Variants in ZMAT3 observed in about 807,000 individuals in gnomAD.
ZMAT3 encodes zinc finger matrin-type 3.
In ZMAT3, 17 loss-of-function variants were observed where a neutral mutation model predicts 32.3. That is an observed-to-expected ratio of 0.53 (90% CI 0.36 to 0.79). The LOEUF is 0.79. Among genes scored for constraint, ZMAT3 ranks in the 30% least tolerant of loss-of-function variants. The pLI, the probability that ZMAT3 is intolerant of heterozygous loss-of-function variation, is 0.00. For missense variants in ZMAT3, 329 were observed against 359.7 expected (o/e 0.91, Z 0.69); for synonymous variants, 120 against 133.1 (o/e 0.90, Z 0.68).
chr3:179,034,372 A>G (rs1719467835), intron 2 of ZMAT3, among the ~76,000 whole-genome samples: 1 of 152,248 alleles, frequency 6.6e-6, no homozygotes, highest in Non-Finnish European at 1.5e-5. Flanking sequence ...AACTCAAAGT[A>G]GCATGACACA....
At chr3:179,038,420 A>C (rs928610934) in intron 2 of ZMAT3, among the ~76,000 whole-genome samples, 1 of 152,146 alleles carries the variant, frequency 6.6e-6, no homozygotes, top group Non-Finnish European at 1.5e-5. Flanking sequence ...ATCTCTAAAA[A>C]AAGAAAAATG....
intron 2 of ZMAT3, among the ~76,000 whole-genome samples, chr3:179,049,991 CAAAAAAAAAAAAA>C (rs34239014): frequency 1.2e-4 from 1 of 8,128 alleles, no homozygotes; most frequent in African/African-American, 4.8e-4. Flanking sequence ...GACTCCGTCT[CAAAAAAAAAAAAA>C]AAAAAAAAAA....
intron 1 of ZMAT3, among the ~76,000 whole-genome samples, chr3:179,068,064 T>C (rs1175862760): frequency 6.6e-6 from 1 of 152,202 alleles, no homozygotes; most frequent in Non-Finnish European, 1.5e-5. Context: ...GCTATCCCTT[T>C]GGCCCGTGAA....
chr3:179,025,238 G>A lies in ZMAT3; in HGVS notation c.659-10C>T, dbSNP rs1347100499. ...TTGAAGTAAGGACCTGCTAAAGCAAGAGATAAAAATAATATATTCAAAATA... is the reference window on the plus strand; with the variant it reads ...TTGAAGTAAGGACCTGCTAAAGCAAAAGATAAAAATAATATATTCAAAATA... On this transcript the variant is annotated splice_polypyrimidine_tract_variant and intron_variant, in intron 5 of 5. Coordinates refer to ENST00000311417, the MANE Select transcript of ZMAT3 (RefSeq NM_022470.4). 10 of 1,591,724 alleles carry A rather than the reference G, an allele frequency of 6.3e-6. No individual in the cohort carries two copies. Among genetic ancestry groups the A allele is most frequent in the Non-Finnish European group, 6.9e-6 (8 of 1,166,504 alleles).
chr3:179,052,682 A>T (rs1343903764), intron 2 of ZMAT3, among the ~76,000 whole-genome samples: 1 of 152,192 alleles, frequency 6.6e-6, no homozygotes, highest in Non-Finnish European at 1.5e-5. Flanking sequence ...TCATTACACG[A>T]AAAAGATACT....
rs146471557 is a variant in ZMAT3 at position 179,038,769 on chromosome 3, C to A, written c.271-7770G>T. On this transcript the variant is annotated intron_variant, in intron 2 of 5. Transcript: ENST00000311417. ...AAGCAGGGTGGGGTGTTACCTCAAC[C>A]GGGAAGCCAAGAGGTCAGGGGATTT... Among the ~76,000 whole-genome samples the A allele has an allele frequency of 3.0e-4, 46 of 152,252 alleles. No individual in the cohort carries two copies. In the South Asian group the frequency reaches 5.2e-3, roughly 17 times the overall value.
chr3:179,042,925 A>T (rs1576854597), intron 2 of ZMAT3, among the ~76,000 whole-genome samples: 1 of 152,216 alleles, frequency 6.6e-6, no homozygotes, highest in Non-Finnish European at 1.5e-5. Flanking sequence ...CCTATACACC[A>T]ATAACAGACA....
chr3:179,066,233 G>A lies in ZMAT3; in HGVS notation c.270+1250C>T, dbSNP rs73050050. 6.6e-3 allele frequency among the ~76,000 whole-genome samples: 998 copies of A among 152,138 alleles called. 10 individuals are homozygous for A. The highest frequency in any genetic ancestry group is 0.023 in the African/African-American group (951 of 41,524). On this transcript the variant is annotated intron_variant, in intron 2 of 5. Coordinates refer to ENST00000311417, the MANE Select transcript of ZMAT3 (RefSeq NM_022470.4). ...TACGTACTGGGGAAAGGGGGAAAAC[G>A]TAAAAATAAAACCAGAAGAGGCCTT...
chr3:179,069,216 A>G (rs1721582433), intron 1 of ZMAT3, among the ~76,000 whole-genome samples: 3 of 152,190 alleles, frequency 2.0e-5, no homozygotes, highest in South Asian at 4.1e-4. Context: ...CAGTTCCTCA[A>G]TCTTGAGGCT....
rs1718691194 is a variant in ZMAT3 at position 179,023,738 on chromosome 3, T to TTTTTTTA, written c.*1278_*1279insTAAAAAA. The TTTTTTTA allele has an allele frequency of 1.3e-5, 1 of 75,074 alleles. No individual in the cohort carries two copies. Among genetic ancestry groups the TTTTTTTA allele is most frequent in the South Asian group, 5.1e-4 (1 of 1,972 alleles). The allele number at this position is 75,074 out of a possible 1,614,324, so 4.7% of individuals were successfully genotyped here. The stretch of plus-strand genomic sequence containing the variant: ...TTTTTTTTTTTTTTTTTTTTTTTTT[T>TTTTTTTA]GAGACGGAGTCTCGCTCTGTCACCC... On this transcript the variant is annotated 3_prime_UTR_variant, in exon 6 of 6. Coordinates refer to ENST00000311417, the MANE Select transcript of ZMAT3 (RefSeq NM_022470.4).
intron 2 of ZMAT3, among the ~76,000 whole-genome samples, chr3:179,036,376 G>A (rs1159450484): frequency 6.6e-6 from 1 of 152,188 alleles, no homozygotes; most frequent in East Asian, 1.9e-4. Flanking sequence ...GATGAAGACA[G>A]ACTCTCAGGA....
Position 179,022,752 on chromosome 3 carries a change from T to G in ZMAT3, c.*2265A>C, listed in dbSNP as rs1345381582. On this transcript the variant is annotated 3_prime_UTR_variant, in exon 6 of 6. Transcript: ENST00000311417. The stretch of plus-strand genomic sequence containing the variant: ...GGGAGAAGAAAAGTTACAAAATAAT[T>G]CTACTTCTCAAAGAACCACCACTTC... 1 of 152,056 alleles carries G rather than the reference T, an allele frequency of 6.6e-6. No homozygotes were observed. Among genetic ancestry groups the G allele is most frequent in the Admixed American group, 6.6e-5 (1 of 15,264 alleles). The allele number at this position is 152,056 out of a possible 1,614,324, so 9.4% of individuals were successfully genotyped here.
chr3:179,047,098 T>C (rs1006451478), intron 2 of ZMAT3, among the ~76,000 whole-genome samples: 12 of 151,784 alleles, frequency 7.9e-5, no homozygotes, highest in Non-Finnish European at 1.2e-4. Context: ...CCTCACTGAG[T>C]CCACTTCACT....
At position 179,037,877 on chromosome 3, in the gene ZMAT3, C is replaced by A. The variant is rs546114260; in HGVS notation, c.271-6878G>T. On this transcript the variant is annotated intron_variant, in intron 2 of 5. Transcript: ENST00000311417. ...TAAGAAAAGGAGATAAAACAGTGAA[C>A]AAAGGCAAAGTCTCTGCCCTCAAGA... Among the ~76,000 whole-genome samples the A allele has an allele frequency of 1.4e-4, 21 of 152,226 alleles. No homozygotes were observed. The East Asian group carries it at 3.9e-3, about 28-fold the overall frequency.
intron 3 of ZMAT3, among the ~76,000 whole-genome samples, chr3:179,030,520 A>G (rs1242597185): frequency 6.6e-6 from 1 of 151,842 alleles, no homozygotes; most frequent in African/African-American, 2.4e-5. Context: ...ACGCCTGGCT[A>G]ATTTTCTGTA....
At chr3:179,069,785 TA>T (rs1226591410) in intron 1 of ZMAT3, among the ~76,000 whole-genome samples, 1 of 152,188 alleles carries the variant, frequency 6.6e-6, no homozygotes, top group East Asian at 1.9e-4. Flanking sequence ...TACTTCTCAT[TA>T]ATCACAAAAT....
chr3:179,042,138 C>A (rs1719971916), intron 2 of ZMAT3, among the ~76,000 whole-genome samples: 2 of 152,258 alleles, frequency 1.3e-5, no homozygotes, highest in South Asian at 4.2e-4. Context: ...AGATTCACAG[C>A]CGAATTCTAC....
intron 2 of ZMAT3, among the ~76,000 whole-genome samples, chr3:179,066,509 G>A (rs774791801): frequency 4.6e-5 from 7 of 152,200 alleles, no homozygotes; most frequent in Non-Finnish European, 1.0e-4. Flanking sequence ...ACAAAGTGGA[G>A]AAAGTTATAG....
chr3:179,029,381 G>GC (rs1719058676), intron 3 of ZMAT3, among the ~76,000 whole-genome samples: 3 of 152,244 alleles, frequency 2.0e-5, no homozygotes, highest in Non-Finnish European at 4.4e-5. Flanking sequence ...TGAGACACTT[G>GC]CCTTGGGCTC....
Sources: gnomAD v4.1 joint callset for allele counts (sites outside exome capture counted in the v4.1 genomes callset) on GRCh38, gnomAD v4.1.1 for gene constraint, MANE v1.5 for transcripts, NCBI Gene and HGNC (gene_info 2026-07-23, HGNC 2026-07-21) for gene names.